MAML2: variants seen among roughly 807,000 people sequenced by gnomAD.
MAML2 encodes the protein mastermind-like protein 2.
MAML2 carries 22 observed loss-of-function variants against 96.1 expected under a neutral mutation model. The ratio of observed to expected loss-of-function variants is 0.23; its 90% confidence interval spans 0.16 to 0.33. The LOEUF is 0.33. Among genes scored for constraint, MAML2 ranks in the 10% least tolerant of loss-of-function variants. MAML2 has a pLI of 1.00. For synonymous variants in MAML2, 561 were observed against 521.3 expected (o/e 1.08, Z -1.04); for missense variants, 1,367 against 1,392.4 (o/e 0.98, Z 0.29).
intron 1 of MAML2, among the ~76,000 whole-genome samples, chr11:96,264,775 A>G (rs1862803479): frequency 6.6e-6 from 1 of 152,218 alleles, no homozygotes; most frequent in Admixed American, 6.5e-5. Context: ...CTGAAATGAA[A>G]ACGTTGAAAG....
At chr11:96,181,435 G>T (rs1187431919) in intron 1 of MAML2, among the ~76,000 whole-genome samples, 1 of 152,088 alleles carries the variant, frequency 6.6e-6, no homozygotes, top group Admixed American at 6.5e-5. Context: ...TAAAATCTCT[G>T]CCTTTCTTTT....
intron 2 of MAML2, among the ~76,000 whole-genome samples, chr11:96,006,767 G>A (rs1484859083): frequency 1.3e-5 from 2 of 150,762 alleles, no homozygotes; most frequent in Admixed American, 6.6e-5. Context: ...ACCATGTTGG[G>A]CAGGCTGGTT....
chr11:96,228,041 G>A (rs1342631389), intron 1 of MAML2, among the ~76,000 whole-genome samples: 1 of 152,200 alleles, frequency 6.6e-6, no homozygotes, highest in African/African-American at 2.4e-5. Flanking sequence ...GGCTGAGCCT[G>A]GAGTGAGCTG....
At chr11:96,010,137 C>G (rs1434951552) in intron 2 of MAML2, among the ~76,000 whole-genome samples, 1 of 152,092 alleles carries the variant, frequency 6.6e-6, no homozygotes, top group Non-Finnish European at 1.5e-5. Flanking sequence ...TTATATTACT[C>G]CATCATAACT....
At chr11:95,992,830 G>C (rs990574447) in intron 2 of MAML2, among the ~76,000 whole-genome samples, 1 of 151,920 alleles carries the variant, frequency 6.6e-6, no homozygotes, top group East Asian at 1.9e-4. Flanking sequence ...TTGGTCCAGG[G>C]AATATGCTTT....
intron 2 of MAML2, among the ~76,000 whole-genome samples, chr11:96,023,283 G>A (rs951536380): frequency 3.3e-5 from 5 of 152,224 alleles, no homozygotes; most frequent in Non-Finnish European, 7.3e-5. Flanking sequence ...GCTGCAGACG[G>A]CATTGTTGCC....
At chr11:96,276,816 C>CA (rs67291067) in intron 1 of MAML2, among the ~76,000 whole-genome samples, 1,979 of 78,052 alleles carry the variant, frequency 0.025, 13 homozygotes, top group East Asian at 0.033. Context: ...TTCTCAGACC[C>CA]AAAAAAAAAA....
intron 1 of MAML2, among the ~76,000 whole-genome samples, chr11:96,311,545 T>C (rs1565280631): frequency 6.6e-6 from 1 of 152,202 alleles, no homozygotes; most frequent in Admixed American, 6.5e-5. Flanking sequence ...GGTACCTAGA[T>C]AGGATTCTCA....
At chr11:96,316,113 C>T (rs536958590) in intron 1 of MAML2, among the ~76,000 whole-genome samples, 1 of 152,268 alleles carries the variant, frequency 6.6e-6, no homozygotes, top group African/African-American at 2.4e-5. Flanking sequence ...TAATATCCTT[C>T]CACTTAATAT....
rs1231246988 is a variant in MAML2 at position 96,155,521 on chromosome 11, T to C, written c.514-62004A>G. ...CTGTAACAATTCAAATATATATATATATATATATATATATATATATATATA... is the reference window on the plus strand; with the variant it reads ...CTGTAACAATTCAAATATATATATACATATATATATATATATATATATATA... On this transcript the variant is annotated intron_variant, in intron 1 of 4. Coordinates refer to ENST00000524717, the MANE Select transcript of MAML2 (RefSeq NM_032427.4). 1.1e-3 allele frequency among the ~76,000 whole-genome samples: 60 copies of C among 55,958 alleles called. 3 individuals carry two copies. Among genetic ancestry groups the C allele is most frequent in the Admixed American group, 2.7e-3 (14 of 5,164 alleles). 36.7% of individuals were successfully genotyped at this position (55,958 alleles called of 152,430 possible). A position where few individuals can be genotyped will look rare whatever the true frequency, so the allele number is the denominator to read the frequency against.
chr11:96,311,501 C>T (rs1326982441), intron 1 of MAML2, among the ~76,000 whole-genome samples: 1 of 152,170 alleles, frequency 6.6e-6, no homozygotes, highest in Non-Finnish European at 1.5e-5. Flanking sequence ...GCAGTAGTAG[C>T]AGAGGGTTGG....
rs573297355 is a variant in MAML2, at chr11:96,249,592, C to T, written c.513+91791G>A. The stretch of plus-strand genomic sequence containing the variant: ...GGCAGTTCTAGCTGCACGAGTCACA[C>T]ATTTTGAGTGATCCTTGGTTCAGTT... On this transcript the variant is annotated intron_variant, in intron 1 of 4. Transcript: ENST00000524717. Among the ~76,000 whole-genome samples the T allele has an allele frequency of 4.6e-5, 7 of 152,270 alleles. No homozygotes were observed. The South Asian group carries it at 1.2e-3, about 27-fold the overall frequency.
intron 1 of MAML2, among the ~76,000 whole-genome samples, chr11:96,252,425 C>CTTTTTTTT (rs35604635): frequency 8.2e-6 from 1 of 122,584 alleles, no homozygotes; most frequent in Non-Finnish European, 1.7e-5. Context: ...TTGACTAACT[C>CTTTTTTTT]TTTTTTTTTT....
intron 2 of MAML2, among the ~76,000 whole-genome samples, chr11:95,995,599 T>C (rs1400268577): frequency 4.6e-5 from 7 of 152,316 alleles, no homozygotes; most frequent in African/African-American, 1.7e-4. Flanking sequence ...TATTTTGTTA[T>C]TTCTGTATTT....
At chr11:96,081,584 G>T (rs1859530210) in intron 2 of MAML2, among the ~76,000 whole-genome samples, 1 of 152,118 alleles carries the variant, frequency 6.6e-6, no homozygotes, top group Non-Finnish European at 1.5e-5. Flanking sequence ...AGAGTTAAAT[G>T]AGGGCTCAGT....
At chr11:96,055,741 A>G (rs960598950) in intron 2 of MAML2, among the ~76,000 whole-genome samples, 1 of 152,200 alleles carries the variant, frequency 6.6e-6, no homozygotes, top group Non-Finnish European at 1.5e-5. Flanking sequence ...TGATTTGAAC[A>G]ACCAACTTAG....
intron 1 of MAML2, among the ~76,000 whole-genome samples, chr11:96,177,581 G>T (rs1489417092): frequency 6.6e-6 from 1 of 152,188 alleles, no homozygotes; most frequent in Non-Finnish European, 1.5e-5. Flanking sequence ...ATTTGGGGCT[G>T]AGTCTTCCCC....
At chr11:96,099,087 T>C (rs767472342) in intron 1 of MAML2, among the ~76,000 whole-genome samples, 18 of 152,112 alleles carry the variant, frequency 1.2e-4, no homozygotes, top group Non-Finnish European at 2.4e-4. Context: ...TAGACTTCTG[T>C]CTTTCTCAAC....
rs562499547 is a variant in MAML2 at position 96,087,172 on chromosome 11, C to T, written c.2139+4720G>A. ...ATTCGTATATGGCACAAAGTTAGTG[C>T]TAATGTTAAAACCAACCAACCAACA... On this transcript the variant is annotated intron_variant, in intron 2 of 4. Coordinates refer to ENST00000524717, the MANE Select transcript of MAML2 (RefSeq NM_032427.4). 2.6e-5 allele frequency among the ~76,000 whole-genome samples: 4 copies of T among 151,914 alleles called. No individual in the cohort carries two copies. In the South Asian group the frequency reaches 6.2e-4, roughly 24 times the overall value.
Sources: allele counts gnomAD v4.1 joint callset (sites outside exome capture counted in the v4.1 genomes callset), GRCh38; gene constraint gnomAD v4.1.1; transcripts MANE v1.5; gene names NCBI Gene and HGNC (gene_info 2026-07-23, HGNC 2026-07-21).